The following GRM1 variants were observed in gnomAD, a reference collection of about 807,000 sequenced individuals.
The protein encoded by GRM1 is glutamate metabotropic receptor 1.
GRM1 carries 33 observed loss-of-function variants against 90.9 expected under a neutral mutation model. That is an observed-to-expected ratio of 0.36 (90% confidence interval 0.28 to 0.49). The LOEUF (loss-of-function observed/expected upper bound fraction) is 0.49. Ranked by LOEUF, GRM1 falls within the 20% of genes least tolerant of loss-of-function variation. The probability of loss-of-function intolerance (pLI) is 0.99; values close to 1 mark genes in which losing one functional copy is unlikely to be tolerated. For missense variants in GRM1, 1,190 were observed against 1,534.3 expected (o/e 0.78, Z 3.75); for synonymous variants, 700 against 613.2 (o/e 1.14, Z -2.09).
chr6:146,136,347 A>C (rs979840581), intron 1 of GRM1, among the ~76,000 whole-genome samples: 1 of 152,162 alleles, frequency 6.6e-6, no homozygotes, highest in African/African-American at 2.4e-5. Flanking sequence ...TTTTTTGAGG[A>C]GCCTCCAAAC....
intron 2 of GRM1, among the ~76,000 whole-genome samples, chr6:146,221,663 C>T (rs1780068099): frequency 6.6e-6 from 1 of 152,064 alleles, no homozygotes; most frequent in Admixed American, 6.6e-5. Context: ...CATATGTGTG[C>T]ATGTGCTTTT....
At chr6:146,285,110 G>A (rs1220139433) in intron 2 of GRM1, among the ~76,000 whole-genome samples, 1 of 152,052 alleles carries the variant, frequency 6.6e-6, no homozygotes, top group Admixed American at 6.6e-5. Flanking sequence ...AATTTCTATT[G>A]GATTCTTGAA....
intron 7 of GRM1, among the ~76,000 whole-genome samples, chr6:146,423,090 C>T (rs147238798): frequency 2.6e-5 from 4 of 152,294 alleles, no homozygotes; most frequent in African/African-American, 9.6e-5. Flanking sequence ...TCTAACTAAA[C>T]TACTTCTGGG....
intron 2 of GRM1, among the ~76,000 whole-genome samples, chr6:146,182,289 C>A (rs1778575534): frequency 6.6e-6 from 1 of 151,254 alleles, no homozygotes; most frequent in Non-Finnish European, 1.5e-5. Flanking sequence ...TTTCCTCTAG[C>A]AAATTGTTTC....
chr6:146,057,601 A>G (rs1425511727), intron 1 of GRM1, among the ~76,000 whole-genome samples: 3 of 152,276 alleles, frequency 2.0e-5, no homozygotes, highest in East Asian at 3.9e-4. Context: ...TCATTCAAAC[A>G]TAAGGAATAG....
chr6:146,307,142 G>A (rs960511846), intron 3 of GRM1, among the ~76,000 whole-genome samples: 4 of 152,114 alleles, frequency 2.6e-5, no homozygotes, highest in Non-Finnish European at 5.9e-5. Context: ...TAAATGTCAA[G>A]GTTAAAGCTT....
At chr6:146,380,435 A>T (rs561200494) in intron 5 of GRM1, among the ~76,000 whole-genome samples, 18 of 152,154 alleles carry the variant, frequency 1.2e-4, no homozygotes, top group African/African-American at 4.3e-4. Context: ...ACCCCAGGCC[A>T]TAAGGAGTAC....
chr6:146,041,262 T>A (rs1441090289), intron 1 of GRM1, among the ~76,000 whole-genome samples: 1 of 152,056 alleles, frequency 6.6e-6, no homozygotes, highest in Non-Finnish European at 1.5e-5. Context: ...CACTGCTCCT[T>A]GCTTTACCCA....
At chr6:146,254,360 C>T (rs894091713) in intron 2 of GRM1, among the ~76,000 whole-genome samples, 1 of 152,102 alleles carries the variant, frequency 6.6e-6, no homozygotes, top group Admixed American at 6.5e-5. Context: ...GGGTTTCCAT[C>T]CCAGCAAGAC....
Position 146,238,914 on chromosome 6 carries a change from C to T in GRM1, c.951-65697C>T, listed in dbSNP as rs571352429. 4.6e-5 allele frequency among the ~76,000 whole-genome samples: 7 copies of T among 152,170 alleles called. No individual in the cohort carries two copies. In the East Asian group the frequency reaches 1.2e-3, roughly 25 times the overall value. On this transcript the variant is annotated intron_variant, in intron 2 of 7. Coordinates refer to ENST00000282753, the MANE Select transcript of GRM1 (RefSeq NM_001278064.2). ...GAAGGTTAAGCCTAAAAAATATGCC[C>T]AATAAGTGCACATTGCATTAATAGT...
At chr6:146,194,312 G>T (rs556238392) in intron 2 of GRM1, among the ~76,000 whole-genome samples, 81 of 152,062 alleles carry the variant, frequency 5.3e-4, no homozygotes, top group African/African-American at 1.9e-3. Flanking sequence ...CAGTTCCCAT[G>T]ACACAAGCTA....
intron 2 of GRM1, among the ~76,000 whole-genome samples, chr6:146,300,153 G>T (rs1224854520): frequency 1.3e-5 from 2 of 151,986 alleles, no homozygotes; most frequent in African/African-American, 4.8e-5. Flanking sequence ...TTATTATCAG[G>T]TACACACAAT....
chr6:146,294,390 T>C (rs1486741721), intron 2 of GRM1, among the ~76,000 whole-genome samples: 1 of 152,040 alleles, frequency 6.6e-6, no homozygotes, highest in Non-Finnish European at 1.5e-5. Context: ...GTAGATGTGT[T>C]GGTTTTTTTA....
chr6:146,382,360 A>G (rs989463964), intron 5 of GRM1, among the ~76,000 whole-genome samples: 1 of 151,542 alleles, frequency 6.6e-6, no homozygotes, highest in Non-Finnish European at 1.5e-5. Context: ...AATGTAACAT[A>G]TCTCCCCCAT....
At chr6:146,243,509 A>G (rs1780940408) in intron 2 of GRM1, among the ~76,000 whole-genome samples, 1 of 152,086 alleles carries the variant, frequency 6.6e-6, no homozygotes, top group African/African-American at 2.4e-5. Context: ...ACAGAATACA[A>G]TGTAAGAACA....
At chr6:146,125,676 T>G (rs1776175807) in intron 1 of GRM1, among the ~76,000 whole-genome samples, 1 of 152,132 alleles carries the variant, frequency 6.6e-6, no homozygotes, top group Non-Finnish European at 1.5e-5. Flanking sequence ...TTTAAGCATC[T>G]AAACTCTTTT....
intron 2 of GRM1, among the ~76,000 whole-genome samples, chr6:146,186,435 G>C (rs1223753088): frequency 1.3e-5 from 2 of 151,948 alleles, no homozygotes; most frequent in African/African-American, 4.8e-5. Flanking sequence ...TTTCATTCTT[G>C]ATTCCAAACC....
chr6:146,416,423 A>G, intron 7 of GRM1, among the ~76,000 whole-genome samples: 1 of 147,854 alleles, frequency 6.8e-6, no homozygotes, highest in South Asian at 2.1e-4. Flanking sequence ...AGAAATTACA[A>G]AAAAAATTAA....
chr6:146,163,982 A>G (rs1482737179), intron 2 of GRM1, among the ~76,000 whole-genome samples: 6 of 152,146 alleles, frequency 3.9e-5, no homozygotes, highest in Non-Finnish European at 7.4e-5. Flanking sequence ...AACTATATTT[A>G]TGTAGAAGTC....
Sources: gnomAD v4.1 joint callset for allele counts (sites outside exome capture counted in the v4.1 genomes callset) on GRCh38, gnomAD v4.1.1 for gene constraint, MANE v1.5 for transcripts, NCBI Gene and HGNC (gene_info 2026-07-23, HGNC 2026-07-21) for gene names.